SPEN: variants seen among roughly 807,000 people sequenced by gnomAD.
The protein encoded by SPEN is msx2-interacting protein.
In SPEN, 18 loss-of-function variants were observed where a neutral mutation model predicts 269.9. The observed-to-expected ratio is 0.07, with a 90% CI of 0.05 to 0.10. SPEN has a LOEUF of 0.10. SPEN is among the 10% of genes least tolerant of loss of function. The probability of loss-of-function intolerance (pLI) is 1.00; values close to 1 mark genes in which losing one functional copy is unlikely to be tolerated. For synonymous variants in SPEN, 1,726 were observed against 1,765.7 expected (o/e 0.98, Z 0.56); for missense variants, 3,822 against 4,631.2 (o/e 0.83, Z 5.07).
rs2071237032 is a variant in SPEN, at chr1:15,932,984, A to G, written c.6744A>G (p.Gln2248=). Residue 2248 remains glutamine, a synonymous_variant, in exon 11 of 15, where the codon CAA becomes CAG. Transcript: ENST00000375759. This position sits in a 1 kb window ranked among gnomAD's most constrained non-coding sequence, Gnocchi z 4.2. ...CTGGAGAATCCCAGACAGATCTGCA[A>G]CCCCCCGCAGGTGCACAGGCGCTGC... The part of the protein sequence containing the change: ...PYPGESQTDL[Q]PPAGAQALQP... The G allele has an allele frequency of 1.2e-6, 2 of 1,613,922 alleles. No individual in the cohort carries two copies. Among genetic ancestry groups the G allele is most frequent in the Admixed American group, 1.7e-5 (1 of 59,996 alleles).
At chr1:15,893,744 A>G (rs2070811654) in intron 3 of SPEN, among the ~76,000 whole-genome samples, 1 of 151,808 alleles carries the variant, frequency 6.6e-6, no homozygotes, top group African/African-American at 2.4e-5. Context: ...AAAAAAAAAC[A>G]AAAAAAAGCA....
At position 15,929,217 on chromosome 1, in the gene SPEN, T is replaced by G; in HGVS notation, c.2977T>G (p.Leu993Val). ...ARKRRFADSN[L>V]KAEKQKPEVK... ...GAAAAGGCGCTTTGCAGATTCCAAT[T>G]TAAAAGCAGAAAAGCAAAAACCAGA... The change falls in exon 11 of 15, where the codon TTA becomes GTA. Residue 993 changes from leucine to valine, a missense_variant. By Grantham distance (32) the Leu-to-Val change is conservative. This residue lies in a region of SPEN where 572 missense variants were observed against 582.6 expected (regional missense o/e 0.98). Coordinates refer to ENST00000375759, the MANE Select transcript of SPEN (RefSeq NM_015001.3). The surrounding 1 kb of genome is among the most constrained non-coding windows in gnomAD (Gnocchi z 5.8). The G allele has an allele frequency of 6.2e-7, 1 of 1,614,056 alleles. No individual in the cohort carries two copies. The highest frequency in any genetic ancestry group is 8.5e-7 in the Non-Finnish European group (1 of 1,180,002).
At chr1:15,882,698 G>A (rs905242147) in intron 3 of SPEN, among the ~76,000 whole-genome samples, 1 of 152,188 alleles carries the variant, frequency 6.6e-6, no homozygotes, top group African/African-American at 2.4e-5. Flanking sequence ...GCCGAGGAAT[G>A]CACAGGTACT....
chr1:15,923,823 C>G (rs1421923234), intron 10 of SPEN, among the ~76,000 whole-genome samples: 2 of 152,062 alleles, frequency 1.3e-5, no homozygotes, highest in Admixed American at 6.6e-5. Flanking sequence ...GCGCATGCCA[C>G]CATGCCCGGC....
rs367966477 is a variant in SPEN at position 15,934,639 on chromosome 1, C to T, written c.8399C>T (p.Ala2800Val). Residue 2800 changes from alanine to valine, a missense_variant, in exon 11 of 15, where the codon GCG (alanine) becomes GTG (valine). By Grantham distance (64) the Ala-to-Val change is moderately conservative (BLOSUM62 0). Around this residue, in one of 16 missense-constraint regions of SPEN, gnomAD observed 329 missense variants for 431.2 expected, o/e 0.76. Transcript: ENST00000375759. The surrounding 1 kb of genome is among the most constrained non-coding windows in gnomAD (Gnocchi z 9.2). ...MPVIDDRPAD[A>V]GSGAGLRVNT... is the part of the protein sequence containing the mutation. ...GTGATCGACGATCGTCCGGCAGACG[C>T]GGGCTCAGGGGCGGGGCTGCGTGTG... The T allele has an allele frequency of 5.1e-5, 83 of 1,613,880 alleles. No individual in the cohort carries two copies. In the East Asian group the frequency reaches 1.4e-3, roughly 28 times the overall value.
rs753008189 is a variant in SPEN at position 15,932,595 on chromosome 1, G to T, written c.6355G>T (p.Val2119Phe). The T allele has an allele frequency of 1.9e-6, 3 of 1,604,594 alleles. No homozygotes were observed. In the South Asian group the frequency reaches 3.3e-5, roughly 18 times the overall value. ...GGAGAGGGAATCTGGGGTGGTGGCAGTCTCCCCTGAGAAAAGTGAGAGTCC... is the reference window on the plus strand; with the variant it reads ...GGAGAGGGAATCTGGGGTGGTGGCATTCTCCCCTGAGAAAAGTGAGAGTCC... ...AGERESGVVA[V>F]SPEKSESPQK... Residue 2119 changes from valine to phenylalanine, a missense_variant, in exon 11 of 15, where the codon GTC becomes TTC. Coordinates refer to ENST00000375759, the MANE Select transcript of SPEN (RefSeq NM_015001.3). The surrounding 1 kb of genome is among the most constrained non-coding windows in gnomAD (Gnocchi z 4.2).
intron 3 of SPEN, among the ~76,000 whole-genome samples, 195 bp downstream of exon 3, chr1:15,876,873 A>G (rs879026395): frequency 1.3e-5 from 2 of 152,246 alleles, no homozygotes; most frequent in African/African-American, 4.8e-5. Context: ...ATGATTTGCA[A>G]AGTTCTGTTT....
At position 15,937,424 on chromosome 1, in the gene SPEN, T is replaced by A; in HGVS notation, c.10288T>A (p.Ser3430Thr). ...GGCACAAGCAGAAACAGGCCCGACT[T>A]CCTTCCCCTCCCCTGTGTCTGTCTC... ...QRAQAETGPT[S>T]FPSPVSVSMK... The change falls in exon 12 of 15, where the codon TCC becomes ACC. Residue 3430 changes from serine (S) to threonine (T), a missense_variant. Physicochemically the swap from Ser to Thr is moderately conservative, Grantham distance 58. Coordinates refer to ENST00000375759, the MANE Select transcript of SPEN (RefSeq NM_015001.3). The surrounding 1 kb of genome is among the most constrained non-coding windows in gnomAD (Gnocchi z 5.7). The A allele has an allele frequency of 6.2e-7, 1 of 1,613,644 alleles. No homozygotes were observed. The highest frequency in any genetic ancestry group is 8.5e-7 in the Non-Finnish European group (1 of 1,179,998).
At position 15,880,007 on chromosome 1, in the gene SPEN, A is replaced by C. The variant is rs149628670; in HGVS notation, c.881+3329A>C. Among the ~76,000 whole-genome samples, 130 of 152,288 alleles carry C rather than the reference A, an allele frequency of 8.5e-4. 1 individual carries two copies. In the East Asian group the frequency reaches 0.024, roughly 28 times the overall value. ...TTAATTCACCTTGTATAGTGTTTTA[A>C]ATTTAAATTATTGCCAGTGTTTAAA... On this transcript the variant is annotated intron_variant, in intron 3 of 14. Coordinates refer to ENST00000375759, the MANE Select transcript of SPEN (RefSeq NM_015001.3).
Position 15,876,293 on chromosome 1 carries a change from G to A in SPEN, c.496G>A (p.Asp166Asn), listed in dbSNP as rs988492642. 20 of 1,614,016 alleles carry A rather than the reference G, an allele frequency of 1.2e-5. No individual in the cohort carries two copies. Among genetic ancestry groups the A allele is most frequent in the East Asian group, 2.2e-5 (1 of 44,888 alleles). Residue 166 changes from aspartate to asparagine, a missense_variant, in exon 3 of 15, where the codon GAT becomes AAT. Physicochemically the swap from Asp to Asn is conservative, Grantham distance 23. Transcript: ENST00000375759. ...AGGATTTGATCGGACAAGACATTAC[G>A]ATCAGGATTACTATAGAGATCCTCG... The part of the protein sequence containing the change: ...TGGFDRTRHY[D>N]QDYYRDPRER...
intron 6 of SPEN, among the ~76,000 whole-genome samples, chr1:15,918,499 GTGAGCCACGGTGCGCAGCCAGA>G (rs1447124572): frequency 6.6e-6 from 1 of 152,240 alleles, no homozygotes; most frequent in Non-Finnish European, 1.5e-5. Context: ...GATTACAGGC[GTGAGCCACGGTGCGCAGCCAGA>G]TATCATATTT....
rs772442954 is a variant in SPEN at position 15,935,454 on chromosome 1, C to T, written c.9214C>T (p.His3072Tyr). 6.2e-7 allele frequency: 1 copy of T among 1,614,154 alleles called. No individual in the cohort carries two copies. ...IPVPQFISSI[H>Y]PEQSVIMPPH... The stretch of plus-strand genomic sequence containing the variant: ...AGTGCCCCAGTTCATCTCCAGCATC[C>T]ACCCAGAGCAGTCTGTCATCATGCC... The change falls in exon 11 of 15, where the codon CAC becomes TAC. Residue 3072 changes from histidine to tyrosine, a missense_variant. Coordinates refer to ENST00000375759, the MANE Select transcript of SPEN (RefSeq NM_015001.3). The surrounding 1 kb of genome is among the most constrained non-coding windows in gnomAD (Gnocchi z 7.7).
intron 1 of SPEN, among the ~76,000 whole-genome samples, chr1:15,859,746 A>G (rs917466817): frequency 2.6e-5 from 4 of 151,802 alleles, no homozygotes; most frequent in Non-Finnish European, 5.9e-5. Context: ...ATTGATTTGA[A>G]ATTTGTTTTA....
Position 15,859,290 on chromosome 1 carries a change from G to T in SPEN, c.83+11140G>T, listed in dbSNP as rs1238090972. On this transcript the variant is annotated intron_variant, in intron 1 of 14. Transcript: ENST00000375759. ...TCCGCCTCAACCTGCCAAGTATGTAGGATTACAGGTATGTGCCACTGCACT... is the reference window on the plus strand; with the variant it reads ...TCCGCCTCAACCTGCCAAGTATGTATGATTACAGGTATGTGCCACTGCACT... Among the ~76,000 whole-genome samples, 3 of 150,230 alleles carry T rather than the reference G, an allele frequency of 2.0e-5. No homozygotes were observed. In the East Asian group the frequency reaches 5.8e-4, roughly 29 times the overall value.
intron 3 of SPEN, among the ~76,000 whole-genome samples, chr1:15,903,508 C>G (rs2070922633): frequency 6.6e-6 from 1 of 152,192 alleles, no homozygotes; most frequent in Non-Finnish European, 1.5e-5. Context: ...CCACCTTAGA[C>G]TCCTAGGGAG....
intron 13 of SPEN, 153 bp from the exon 14 acceptor site, chr1:15,938,565 C>CTTTTT (rs200567875): frequency 3.8e-5 from 9 of 239,088 alleles, no homozygotes; most frequent in Admixed American, 1.4e-4. Context: ...TGAAAAAAAG[C>CTTTTT]TTTTTTTTTT....
chr1:15,925,356 G>A (rs1426171882), intron 10 of SPEN, among the ~76,000 whole-genome samples: 1 of 152,140 alleles, frequency 6.6e-6, no homozygotes, highest in Non-Finnish European at 1.5e-5. Context: ...AGTTCTCTCC[G>A]AACCTGACTT....
intron 3 of SPEN, among the ~76,000 whole-genome samples, chr1:15,893,781 A>G (rs2070812377): frequency 6.6e-6 from 1 of 152,188 alleles, no homozygotes; most frequent in Non-Finnish European, 1.5e-5. Flanking sequence ...TCCCGCCGTA[A>G]TCCCAGCACT....
intron 3 of SPEN, among the ~76,000 whole-genome samples, chr1:15,897,763 T>C (rs2070857113): frequency 6.6e-6 from 1 of 152,196 alleles, no homozygotes. Flanking sequence ...CCTCCCAAAG[T>C]GCTGGGATTA....
Sources: allele counts gnomAD v4.1 joint callset (sites outside exome capture counted in the v4.1 genomes callset), GRCh38; gene constraint gnomAD v4.1.1; regional missense constraint gnomAD v4.1.1; non-coding constraint Gnocchi (gnomAD v3.1); transcripts MANE v1.5; gene names NCBI Gene and HGNC (gene_info 2026-07-23, HGNC 2026-07-21).